Variants in SPATA13 observed in about 807,000 individuals in gnomAD.
The protein encoded by SPATA13 is spermatogenesis-associated protein 13.
SPATA13 carries 50 observed loss-of-function variants against 104.0 expected under a neutral mutation model. The ratio of observed to expected loss-of-function variants is 0.48; its 90% CI spans 0.38 to 0.61. SPATA13 has a LOEUF of 0.61. Among genes scored for constraint, SPATA13 ranks in the 20% least tolerant of loss-of-function variants. The probability of loss-of-function intolerance (pLI) is 0.00; values close to 1 mark genes in which losing one functional copy is unlikely to be tolerated. For synonymous variants in SPATA13, 606 were observed against 667.5 expected, an observed-to-expected ratio of 0.91 and a Z score of 1.42; for missense variants, 1,524 against 1,690.6, an observed-to-expected ratio of 0.90 and a Z score of 1.73.
rs1418599987 is a variant in SPATA13 at position 24,011,341 on chromosome 13, C to T, written c.-146-6326C>T. ...GGCCGGCTTGGCCATCTCATGCTGT[C>T]TCACGTTCCGCAGCTGGTCTGGGCC... On this transcript the variant is annotated intron_variant, in intron 2 of 14. Coordinates refer to the SPATA13 transcript ENST00000424834. This position sits in a 1 kb window ranked among gnomAD's most constrained non-coding sequence, Gnocchi z 4.3. Among the ~76,000 whole-genome samples the T allele has an allele frequency of 6.6e-6, 1 of 152,194 alleles. No homozygotes were observed. The highest frequency in any genetic ancestry group is 1.5e-5 in the Non-Finnish European group (1 of 68,042).
intron 3 of SPATA13, among the ~76,000 whole-genome samples, chr13:24,121,764 CGT>C (rs1881036761): frequency 1.3e-5 from 2 of 152,276 alleles, no homozygotes; most frequent in South Asian, 4.1e-4. Context: ...GACATCCCCT[CGT>C]GTTTCAGATT....
rs185557299 is a variant in SPATA13 at position 24,111,803 on chromosome 13, A to G, written c.-112+94102A>G. ...CCTACTTGGTCATGATAGCTATTTT[A>G]AAATAGATTGTTAGAATTTCTTTGC... On this transcript the variant is annotated intron_variant, in intron 3 of 14. Transcript: ENST00000424834. Among the ~76,000 whole-genome samples the G allele has an allele frequency of 5.1e-3, 782 of 152,342 alleles. 2 individuals carry two copies. Among genetic ancestry groups the G allele is most frequent in the Middle Eastern group, 0.031 (9 of 294 alleles).
chr13:23,987,594 A>G (rs2137654310), intron 2 of SPATA13, among the ~76,000 whole-genome samples: 1 of 152,328 alleles, frequency 6.6e-6, no homozygotes, highest in Non-Finnish European at 1.5e-5. Context: ...TGGTTATGCA[A>G]TTATGTGTTG....
Position 24,083,120 on chromosome 13 carries a change from G to GCATT in SPATA13, c.-112+65425_-112+65428dup, listed in dbSNP as rs546387834. On this transcript the variant is annotated intron_variant, in intron 3 of 14. Coordinates refer to the SPATA13 transcript ENST00000424834. ...CTTTTCTGGATGCAAAGGTGGACAG[G>GCATT]CATTCATTCCAGCCTTGAGGTGCTC... is the stretch of plus-strand genomic sequence containing the variant. Among the ~76,000 whole-genome samples the GCATT allele has an allele frequency of 5.8e-3, 876 of 152,346 alleles. 12 individuals carry two copies. Among genetic ancestry groups the GCATT allele is most frequent in the Middle Eastern group, 0.02 (6 of 294 alleles).
At chr13:24,271,030 C>T in intron 4 of SPATA13, 1 of 718,906 alleles carries the variant, frequency 1.4e-6, no homozygotes, top group Non-Finnish European at 2.5e-6. Context: ...CACTCTCTCT[C>T]TCTCTCTCTC....
intron 2 of SPATA13, among the ~76,000 whole-genome samples, chr13:24,004,976 T>G (rs984820990): frequency 6.6e-6 from 1 of 152,216 alleles, no homozygotes; most frequent in African/African-American, 2.4e-5. Context: ...ATGAATTCAT[T>G]GTGCACATCT....
intron 2 of SPATA13, among the ~76,000 whole-genome samples, chr13:23,987,360 A>AG (rs1233249717): frequency 6.6e-6 from 1 of 152,204 alleles, no homozygotes; most frequent in Non-Finnish European, 1.5e-5. Context: ...GATAAAAGAT[A>AG]GCTTGAATAA....
intron 2 of SPATA13, among the ~76,000 whole-genome samples, chr13:23,996,456 G>A (rs1237934810): frequency 6.6e-6 from 1 of 152,204 alleles, no homozygotes; most frequent in Non-Finnish European, 1.5e-5. Flanking sequence ...GAGGTTCAGA[G>A]TGACTGAACT....
At chr13:24,072,782 C>T (rs1428082545) in intron 3 of SPATA13, among the ~76,000 whole-genome samples, 2 of 149,956 alleles carry the variant, frequency 1.3e-5, no homozygotes, top group African/African-American at 4.9e-5. Context: ...TTCCTGGTTC[C>T]TCTGAGTTGC....
At chr13:24,221,884 C>T (rs4465467) in intron 1 of SPATA13, among the ~76,000 whole-genome samples, 1 of 147,256 alleles carries the variant, frequency 6.8e-6, no homozygotes, top group African/African-American at 2.5e-5. Flanking sequence ...GCAATCTTGG[C>T]TCACTGCAAC....
intron 4 of SPATA13, among the ~76,000 whole-genome samples, chr13:24,258,841 T>C (rs1232000111): frequency 6.6e-6 from 1 of 152,222 alleles, no homozygotes; most frequent in Admixed American, 6.5e-5. Context: ...CAGAACACTT[T>C]CTACCACAGA....
chr13:24,239,054 C>T (rs1872708109), intron 2 of SPATA13, among the ~76,000 whole-genome samples: 1 of 152,282 alleles, frequency 6.6e-6, no homozygotes, highest in South Asian at 2.1e-4. Flanking sequence ...GAGTTTAAAG[C>T]AGGTGTGATA....
At chr13:24,250,404 C>T (rs938919502) in intron 3 of SPATA13, among the ~76,000 whole-genome samples, 17 of 151,880 alleles carry the variant, frequency 1.1e-4, no homozygotes, top group Non-Finnish European at 5.9e-5. Flanking sequence ...AATATTTATC[C>T]GGGTATCCAG....
intron 7 of SPATA13, among the ~76,000 whole-genome samples, chr13:24,288,429 C>G (rs574229262): frequency 6.6e-6 from 1 of 152,196 alleles, no homozygotes; most frequent in Non-Finnish European, 1.5e-5. Flanking sequence ...ACAGCCTTTT[C>G]TTCTTATCCC....
At chr13:23,993,171 G>A (rs1229873107) in intron 2 of SPATA13, among the ~76,000 whole-genome samples, 2 of 152,218 alleles carry the variant, frequency 1.3e-5, no homozygotes, top group East Asian at 3.9e-4. Flanking sequence ...AGTGTCCCAA[G>A]GCTTGGCCCA....
In SPATA13 at chr13:24,223,315, A is replaced by T. The variant is rs1423902156; in HGVS notation, c.386A>T (p.Glu129Val). ...GTCCTGAAAGGAATTCAGAGCCGAG[A>T]GGGGTCAAATGCCTGTTCAAAGGGA... ...SSVLKGIQSREGSNACSKGEA... is the reference protein window; with the variant it reads ...SSVLKGIQSRVGSNACSKGEA... The change falls in exon 2 of 13, where the codon GAG (glutamate) becomes GTG (valine). Residue 129 changes from glutamate to valine, a missense_variant. Around this residue, in one of 2 missense-constraint regions of SPATA13, gnomAD observed 1,089 missense variants for 1,135.9 expected, o/e 0.96. Coordinates refer to ENST00000382108, the MANE Select transcript of SPATA13 (RefSeq NM_001166271.3). The T allele has an allele frequency of 1.3e-6, 2 of 1,551,416 alleles. No individual in the cohort carries two copies. Among genetic ancestry groups the T allele is most frequent in the Non-Finnish European group, 1.7e-6 (2 of 1,146,998 alleles).
rs76371117 is a variant in SPATA13 at position 24,234,026 on chromosome 13, A to G, written c.1653+9444A>G. 4.4e-3 allele frequency among the ~76,000 whole-genome samples: 668 copies of G among 152,296 alleles called. 34 individuals are homozygous for G. In the East Asian group the frequency reaches 0.11, roughly 24 times the overall value. ...GGCTCATTTCTAGAATAGTTTCTCT[A>G]GTGAGATACCATTAAATAGGATTTT... On this transcript the variant is annotated intron_variant, in intron 2 of 12. Transcript: ENST00000382108.
intron 1 of SPATA13, among the ~76,000 whole-genome samples, chr13:24,190,914 T>C (rs888088827): frequency 1.3e-5 from 2 of 152,114 alleles, no homozygotes; most frequent in Non-Finnish European, 2.9e-5. Context: ...TGTAGAGAAA[T>C]CCTATATGAA....
rs541151740 is a variant in SPATA13 at position 24,037,156 on chromosome 13, G to C, written c.-112+19455G>C. Among the ~76,000 whole-genome samples, 7 of 134,820 alleles carry C rather than the reference G, an allele frequency of 5.2e-5. No individual in the cohort carries two copies. In the South Asian group the frequency reaches 1.4e-3, roughly 27 times the overall value. 88.4% of individuals were successfully genotyped at this position (134,820 alleles called of 152,430 possible). ...TAATTGAAAACAGGTTCTTCAATGA[G>C]AACACTTGGACACAGGAAGGGGAAC... is the stretch of plus-strand genomic sequence containing the variant. On this transcript the variant is annotated intron_variant, in intron 3 of 14. Transcript: ENST00000424834.
Sources: allele counts gnomAD v4.1 joint callset (sites outside exome capture counted in the v4.1 genomes callset), GRCh38; gene constraint gnomAD v4.1.1; regional missense constraint gnomAD v4.1.1; non-coding constraint Gnocchi (gnomAD v3.1); transcripts MANE v1.5; gene names NCBI Gene and HGNC (gene_info 2026-07-23, HGNC 2026-07-21).